MELTF: variants seen among roughly 807,000 people sequenced by gnomAD.
MELTF encodes melanotransferrin, also known as antigen p97 (melanoma associated) identified by monoclonal antibodies 133.2 and 96.5.
A neutral mutation model predicts 83.7 loss-of-function variants in MELTF; 67 were observed. The observed-to-expected ratio is 0.80, with a 90% CI of 0.66 to 0.98. The LOEUF (loss-of-function observed/expected upper bound fraction) is 0.98, where lower values mean the gene tolerates loss of function less well. Among genes scored for constraint, MELTF ranks in the 50% least tolerant of loss-of-function variants. The pLI, the probability that MELTF is intolerant of heterozygous loss-of-function variation, is 0.00. For missense variants in MELTF, 1,002 were observed against 1,035.6 expected (o/e 0.97, Z 0.44); for synonymous variants, 462 against 447.6 (o/e 1.03, Z -0.41).
intron 14 of MELTF, among the ~76,000 whole-genome samples, chr3:197,005,067 C>T (rs529348707): frequency 6.6e-6 from 1 of 152,320 alleles, no homozygotes; most frequent in African/African-American, 2.4e-5. Flanking sequence ...GCCAGCTCTG[C>T]AGTTCTGTGG....
At chr3:197,016,444 T>C in intron 7 of MELTF, 75 bp from the exon 8 acceptor site, 1 of 1,337,344 alleles carries the variant, frequency 7.5e-7, no homozygotes. Context: ...CTTTGGCCCC[T>C]ACCTCCTTCT....
At position 197,002,866 on chromosome 3, in the gene MELTF, C is replaced by T. The variant is rs1456415476; in HGVS notation, c.*506G>A. 3 of 152,076 alleles carry T rather than the reference C, an allele frequency of 2.0e-5. No homozygotes were observed. Among genetic ancestry groups the T allele is most frequent in the Admixed American group, 6.6e-5 (1 of 15,266 alleles). 9.4% of individuals were successfully genotyped at this position (152,076 alleles called of 1,614,324 possible). On this transcript the variant is annotated 3_prime_UTR_variant, in exon 16 of 16. Coordinates refer to ENST00000296350, the MANE Select transcript of MELTF (RefSeq NM_005929.6). ...CGCGGGCGAAGGCTTCTCCCCGTCG[C>T]CCCGGTCCGGCCTCCCTCCCGCCGC...
chr3:197,005,301 A>T (rs1288612705), intron 14 of MELTF, among the ~76,000 whole-genome samples: 1 of 152,216 alleles, frequency 6.6e-6, no homozygotes, highest in Non-Finnish European at 1.5e-5. Flanking sequence ...TCTTAATTGA[A>T]GTGGGGAAGA....
chr3:197,009,588 C>T, intron 11 of MELTF, 30 bp downstream of exon 11: 1 of 1,587,276 alleles, frequency 6.3e-7, no homozygotes, highest in Non-Finnish European at 8.6e-7. Flanking sequence ...AAGGCTTCCC[C>T]AGTCTGCGTT....
At position 197,008,862 on chromosome 3, in the gene MELTF, G is replaced by A. The variant is rs922282713; in HGVS notation, c.1629C>T (p.Asn543=). 1.2e-6 allele frequency: 2 copies of A among 1,613,994 alleles called. No individual in the cohort carries two copies. The highest frequency in any genetic ancestry group is 1.7e-5 in the Admixed American group (1 of 60,002). ...ALCVGDEQGR[N]KCVGNSQERY... is the part of the protein sequence containing the mutation. ...GCTCCTGGCTGTTGCCCACACACTT[G>A]TTGCGGCCCTGCTCGTCCCCCACGC... The change falls in exon 12 of 16, where the codon AAC becomes AAT. Residue 543 remains asparagine (N), a synonymous_variant. Transcript: ENST00000296350. This position sits in a 1 kb window ranked among gnomAD's most constrained non-coding sequence, Gnocchi z 5.4.
At position 197,021,328 on chromosome 3, in the gene MELTF, C is replaced by T. The variant is rs1011057849; in HGVS notation, c.712+76G>A. 9.1e-6 allele frequency: 13 copies of T among 1,432,984 alleles called. No homozygotes were observed. In the Admixed American group the frequency reaches 1.7e-4, roughly 19 times the overall value. The allele number at this position is 1,432,984 out of a possible 1,614,324, so 88.8% of individuals were successfully genotyped here. On this transcript the variant is annotated intron_variant, in intron 6 of 15. Coordinates refer to ENST00000296350, the MANE Select transcript of MELTF (RefSeq NM_005929.6). ...ACTAGGGCGTTTGATCCCAACTCTG[C>T]CATCTAGGGTCCCTGCCCCAAGCCG...
chr3:197,014,350 TGGGAAGGGTAG>T (rs1719282893), intron 9 of MELTF, among the ~76,000 whole-genome samples: 1 of 147,642 alleles, frequency 6.8e-6, no homozygotes, highest in African/African-American at 2.5e-5. Flanking sequence ...TGCTGCAGAC[TGGGAAGGGTAG>T]GGGAAGGGAG....
chr3:197,027,695 T>A (rs1719913187), intron 2 of MELTF, 61 bp downstream of exon 2: 1 of 1,542,414 alleles, frequency 6.5e-7, no homozygotes, highest in African/African-American at 1.4e-5. Context: ...ATGGGGCTGT[T>A]GTGTGCTCCC....
intron 2 of MELTF, chr3:197,026,997 C>T: frequency 1.9e-6 from 1 of 529,234 alleles, no homozygotes; most frequent in South Asian, 2.5e-5. Context: ...TTTTGCAGGA[C>T]TCAGATATCA....
At chr3:197,018,929 G>A (rs1719510143) in intron 6 of MELTF, 1 of 984,816 alleles carries the variant, frequency 1.0e-6, no homozygotes, top group Middle Eastern at 5.2e-4. Context: ...CGAATATTAA[G>A]GACTATAATT....
chr3:197,027,437 G>A (rs1368178566), intron 2 of MELTF, among the ~76,000 whole-genome samples: 1 of 152,280 alleles, frequency 6.6e-6, no homozygotes, highest in Non-Finnish European at 1.5e-5. Flanking sequence ...CCCATGGCAA[G>A]ATGAGCAAGT....
In MELTF at chr3:197,024,657, T is replaced by G. The variant is rs933708672; in HGVS notation, c.305-172A>C. Among the ~76,000 whole-genome samples the G allele has an allele frequency of 6.6e-6, 1 of 152,198 alleles. No individual in the cohort carries two copies. Among genetic ancestry groups the G allele is most frequent in the Non-Finnish European group, 1.5e-5 (1 of 68,032 alleles). ...AGAGAGCAAGTGGGCTTCATCTGCATGTATTAAGAGGCCCTGCCCTCTAGC... is the reference window on the plus strand; with the variant it reads ...AGAGAGCAAGTGGGCTTCATCTGCAGGTATTAAGAGGCCCTGCCCTCTAGC... On this transcript the variant is annotated intron_variant, in intron 3 of 15. Coordinates refer to ENST00000296350, the MANE Select transcript of MELTF (RefSeq NM_005929.6). This position sits in a 1 kb window ranked among gnomAD's most constrained non-coding sequence, Gnocchi z 5.3.
Position 197,024,370 on chromosome 3 carries a change from C to A in MELTF, c.420G>T (p.Trp140Cys), listed in dbSNP as rs1425599790. Residue 140 changes from tryptophan (W) to cysteine (C), a missense_variant, in exon 4 of 16, where the codon TGG becomes TGT. By Grantham distance (215) the Trp-to-Cys change is radical. Transcript: ENST00000296350. The surrounding 1 kb of genome is among the most constrained non-coding windows in gnomAD (Gnocchi z 5.3). The part of the protein sequence containing the change: ...CHTGINRTVG[W>C]NVPVGYLVES... ...CCACCAGGTAGCCCACGGGCACGTT[C>A]CAGCCCACTGTGCGATTGATGCCCG... is the stretch of plus-strand genomic sequence containing the variant. The A allele has an allele frequency of 6.2e-6, 10 of 1,608,636 alleles. No homozygotes were observed. The highest frequency in any genetic ancestry group is 8.5e-6 in the Non-Finnish European group (10 of 1,177,040).
intron 6 of MELTF, among the ~76,000 whole-genome samples, chr3:197,017,766 A>G (rs930029580): frequency 6.6e-6 from 1 of 152,090 alleles, no homozygotes; most frequent in African/African-American, 2.4e-5. Flanking sequence ...AATCCCAGCT[A>G]CTGGGGAGGC....
chr3:197,025,564 C>T (rs1719818546), intron 3 of MELTF: 1 of 152,102 alleles, frequency 6.6e-6, no homozygotes, highest in South Asian at 2.1e-4. Flanking sequence ...TGTTTATTTA[C>T]TCTCTGCTCT....
At chr3:197,025,050 T>C (rs1354807681) in intron 3 of MELTF, among the ~76,000 whole-genome samples, 3 of 152,226 alleles carry the variant, frequency 2.0e-5, no homozygotes, top group African/African-American at 7.2e-5. Context: ...CTCACGACCC[T>C]GAATGCTGCA....
chr3:197,010,465 A>G (rs1424765304), intron 10 of MELTF, among the ~76,000 whole-genome samples: 2 of 152,230 alleles, frequency 1.3e-5, no homozygotes, highest in Admixed American at 6.5e-5. Context: ...GCAAAGCCTC[A>G]TGTATTTATC....
chr3:197,023,347 G>T (rs1719708279), intron 4 of MELTF, among the ~76,000 whole-genome samples: 1 of 152,226 alleles, frequency 6.6e-6, no homozygotes, highest in Non-Finnish European at 1.5e-5. Flanking sequence ...TGGTTCGGGG[G>T]AACTAAACAT....
At position 197,012,029 on chromosome 3, in the gene MELTF, C is replaced by T. The variant is rs151273289; in HGVS notation, c.1234-1235G>A. 3.6e-3 allele frequency among the ~76,000 whole-genome samples: 550 copies of T among 152,318 alleles called. 5 individuals are homozygous for T. The highest frequency in any genetic ancestry group is 0.013 in the African/African-American group (522 of 41,570). ...CATTAGGAAATAAAGACCCTCCCAA[C>T]GAGCCCTTTCCGCAGTTCCGGTGGA... On this transcript the variant is annotated intron_variant, in intron 9 of 15. Transcript: ENST00000296350.
Sources: allele counts gnomAD v4.1 joint callset (sites outside exome capture counted in the v4.1 genomes callset), GRCh38; gene constraint gnomAD v4.1.1; non-coding constraint Gnocchi (gnomAD v3.1); transcripts MANE v1.5; gene names NCBI Gene and HGNC (gene_info 2026-07-23, HGNC 2026-07-21).